The following DLG2 variants were observed in gnomAD, a reference collection of about 807,000 sequenced individuals.
DLG2 encodes the protein disks large homolog 2.
DLG2 carries 45 observed loss-of-function variants against 132.5 expected under a neutral mutation model. The ratio of observed to expected loss-of-function variants is 0.34; its 90% CI spans 0.27 to 0.44. The LOEUF is 0.44. Among genes scored for constraint, DLG2 ranks in the 20% least tolerant of loss-of-function variants. The pLI is 1.00. For missense variants in DLG2, 1,045 were observed against 1,196.9 expected (o/e 0.87, Z 1.87); for synonymous variants, 424 against 419.6 (o/e 1.01, Z -0.13).
intron 6 of DLG2, among the ~76,000 whole-genome samples, chr11:84,614,735 G>C (rs1194256591): frequency 6.6e-6 from 1 of 152,122 alleles, no homozygotes; most frequent in Admixed American, 6.6e-5. Flanking sequence ...GTCATCTTGA[G>C]ATTATGGGAG....
intron 18 of DLG2, among the ~76,000 whole-genome samples, chr11:83,677,876 A>G (rs2078041304): frequency 6.6e-6 from 1 of 152,212 alleles, no homozygotes; most frequent in African/African-American, 2.4e-5. Context: ...CCACACAAAG[A>G]CATTGATAGC....
At chr11:85,277,568 A>G (rs2077969031) in intron 4 of DLG2, among the ~76,000 whole-genome samples, 1 of 152,178 alleles carries the variant, frequency 6.6e-6, no homozygotes, top group Admixed American at 6.6e-5. Context: ...ACTGTAAACT[A>G]TTCACAGATA....
At chr11:84,837,289 T>C (rs561937893) in intron 6 of DLG2, among the ~76,000 whole-genome samples, 7 of 152,000 alleles carry the variant, frequency 4.6e-5, no homozygotes, top group South Asian at 2.1e-4. Flanking sequence ...TGGTATAGTA[T>C]TGAAATTCTC....
At chr11:84,542,998 G>C (rs1033824007) in intron 6 of DLG2, among the ~76,000 whole-genome samples, 5 of 152,106 alleles carry the variant, frequency 3.3e-5, no homozygotes, top group Non-Finnish European at 7.4e-5. Context: ...TCTATGACCT[G>C]TGTCTCATCA....
intron 3 of DLG2, among the ~76,000 whole-genome samples, chr11:85,415,737 G>A (rs938903416): frequency 1.4e-4 from 21 of 151,950 alleles, no homozygotes; most frequent in African/African-American, 5.1e-4. Flanking sequence ...GTTCTTTGTA[G>A]ATTCTGGATA....
chr11:85,442,370 C>A (rs931509460), intron 3 of DLG2, among the ~76,000 whole-genome samples: 3 of 152,010 alleles, frequency 2.0e-5, no homozygotes, highest in Non-Finnish European at 2.9e-5. Context: ...GTGGCATATA[C>A]AAGAAGTATA....
chr11:85,125,806 T>TACACACAC (rs71465021), intron 5 of DLG2, among the ~76,000 whole-genome samples: 7 of 148,540 alleles, frequency 4.7e-5, no homozygotes, highest in Non-Finnish European at 9.0e-5. Context: ...CCAGACATTA[T>TACACACAC]ACACACACAC....
At chr11:84,392,486 C>G (rs1315500949) in intron 7 of DLG2, among the ~76,000 whole-genome samples, 2 of 152,128 alleles carry the variant, frequency 1.3e-5, no homozygotes, top group East Asian at 3.9e-4. Flanking sequence ...GTAGGTTGGC[C>G]ATATTATATT....
intron 9 of DLG2, among the ~76,000 whole-genome samples, chr11:84,127,516 TC>T (rs1171750138): frequency 2.6e-5 from 4 of 152,218 alleles, no homozygotes; most frequent in Non-Finnish European, 5.9e-5. Context: ...CTGTTCCATG[TC>T]TATCTCCTAA....
intron 9 of DLG2, among the ~76,000 whole-genome samples, chr11:84,109,115 C>CA (rs141533818): frequency 5.0e-4 from 73 of 147,450 alleles, no homozygotes; most frequent in Middle Eastern, 3.5e-3. Flanking sequence ...CTTACATCGT[C>CA]AAAAAAAAAA....
chr11:84,122,907 G>C (rs748322994), intron 9 of DLG2, among the ~76,000 whole-genome samples: 1 of 152,010 alleles, frequency 6.6e-6, no homozygotes, highest in African/African-American at 2.4e-5. Flanking sequence ...AAGAGGGGAA[G>C]GATTATGATT....
chr11:84,954,480 G>C (rs1483751853), intron 6 of DLG2, among the ~76,000 whole-genome samples: 1 of 151,980 alleles, frequency 6.6e-6, no homozygotes, highest in Non-Finnish European at 1.5e-5. Flanking sequence ...TGAATCTTTA[G>C]TAAGCACTTA....
At chr11:84,357,298 C>T (rs150574226) in intron 7 of DLG2, among the ~76,000 whole-genome samples, 195 of 152,150 alleles carry the variant, frequency 1.3e-3, no homozygotes, top group African/African-American at 4.5e-3. Flanking sequence ...TCCTATTTTA[C>T]AGAAAACACC....
intron 11 of DLG2, among the ~76,000 whole-genome samples, chr11:84,018,147 T>C (rs1187492632): frequency 1.3e-5 from 2 of 151,958 alleles, no homozygotes; most frequent in African/African-American, 4.8e-5. Flanking sequence ...CTGGTCATTA[T>C]CTCTTCCCTC....
chr11:83,750,188 C>T (rs545364951), intron 18 of DLG2, among the ~76,000 whole-genome samples: 1 of 152,256 alleles, frequency 6.6e-6, no homozygotes, highest in Non-Finnish European at 1.5e-5. Flanking sequence ...CTCACTGGCC[C>T]TAGGATTTAA....
At chr11:85,281,333 T>C (rs1230406229) in intron 4 of DLG2, among the ~76,000 whole-genome samples, 2 of 152,018 alleles carry the variant, frequency 1.3e-5, no homozygotes, top group Non-Finnish European at 2.9e-5. Flanking sequence ...TCTGATTTTC[T>C]TTCAAGGAGA....
chr11:84,289,866 A>G (rs2097962745), intron 7 of DLG2, among the ~76,000 whole-genome samples: 1 of 152,190 alleles, frequency 6.6e-6, no homozygotes, highest in African/African-American at 2.4e-5. Flanking sequence ...ATGATCAGAG[A>G]AAGAAAACTT....
At chr11:83,507,686 G>A (rs2139626066) in intron 21 of DLG2, among the ~76,000 whole-genome samples, 1 of 143,632 alleles carries the variant, frequency 7.0e-6, no homozygotes, top group East Asian at 2.1e-4. Flanking sequence ...GTCCTTGATG[G>A]TGGCACTAAT....
chr11:83,468,600 T>TA (rs923378115), intron 25 of DLG2, among the ~76,000 whole-genome samples: 7 of 152,324 alleles, frequency 4.6e-5, no homozygotes, highest in African/African-American at 1.7e-4. Flanking sequence ...CCTATGATAC[T>TA]GGTTCTCTGT....
Sources: allele counts gnomAD v4.1 joint callset (sites outside exome capture counted in the v4.1 genomes callset), GRCh38; gene constraint gnomAD v4.1.1; transcripts MANE v1.5; gene names NCBI Gene and HGNC (gene_info 2026-07-23, HGNC 2026-07-21).